The following TNFSF4 variants were observed in gnomAD, a reference collection of about 807,000 sequenced individuals.
TNFSF4 encodes tumor necrosis factor ligand superfamily member 4.
In TNFSF4, 4 loss-of-function variants were observed where a neutral mutation model predicts 7.3. That is an observed-to-expected ratio of 0.55 (90% CI 0.27 to 1.25). TNFSF4 has a LOEUF of 1.25. TNFSF4 is among the 50% of genes most tolerant of loss of function. The pLI, the probability that TNFSF4 is intolerant of heterozygous loss-of-function variation, is 0.12. For missense variants in TNFSF4, 181 were observed against 208.8 expected (o/e 0.87, Z 0.82); for synonymous variants, 76 against 83.7 (o/e 0.91, Z 0.50).
chr1:173,376,093 T>C, the TNFSF4 span, among the ~76,000 whole-genome samples: 1 of 152,214 alleles, frequency 6.6e-6, no homozygotes, highest in Non-Finnish European at 1.5e-5. Context: ...ACACTGGCTA[T>C]GCAAAAGAAC....
the TNFSF4 span, among the ~76,000 whole-genome samples, chr1:173,365,090 G>GAA: frequency 1.5e-5 from 2 of 134,314 alleles, no homozygotes; most frequent in East Asian, 4.3e-4. Context: ...CTGTCACAGG[G>GAA]AAAAAAAAAA....
At chr1:173,197,579 C>T (rs1050502049) in intron 1 of TNFSF4, among the ~76,000 whole-genome samples, 1 of 152,278 alleles carries the variant, frequency 6.6e-6, no homozygotes, top group Admixed American at 6.5e-5. Context: ...CCTCAGCAAA[C>T]TAACACAGGA....
At chr1:173,422,446 G>A in the TNFSF4 span, among the ~76,000 whole-genome samples, 1 of 152,040 alleles carries the variant, frequency 6.6e-6, no homozygotes, top group Non-Finnish European at 1.5e-5. Context: ...CCCAGTGAGA[G>A]AGGCAGGTCT....
chr1:173,260,062 A>C, the TNFSF4 span, among the ~76,000 whole-genome samples: 15 of 152,198 alleles, frequency 9.9e-5, no homozygotes, highest in Non-Finnish European at 2.1e-4. Context: ...GGTCAAAATG[A>C]AGGAAAAAAT....
the TNFSF4 span, among the ~76,000 whole-genome samples, chr1:173,218,534 C>G: frequency 6.6e-6 from 1 of 152,034 alleles, no homozygotes; most frequent in African/African-American, 2.4e-5. Flanking sequence ...TTCACACTCT[C>G]TCTTCAGTTA....
At position 173,186,963 on chromosome 1, in the gene TNFSF4, T is replaced by C; in HGVS notation, c.203-98A>G. On this transcript the variant is annotated intron_variant, in intron 2 of 2. Coordinates refer to ENST00000281834, the MANE Select transcript of TNFSF4 (RefSeq NM_003326.5). ...CTGGAATCAGATGAAGAGAAAGTGA[T>C]AGGGAGAGATTTTGAAAAGAGTAAA... 3 of 795,062 alleles carry C rather than the reference T, an allele frequency of 3.8e-6. No individual in the cohort carries two copies. The South Asian group carries it at 5.6e-5, about 15-fold the overall frequency. The allele number at this position is 795,062 out of a possible 1,614,324, so 49.3% of individuals were successfully genotyped here.
the TNFSF4 span, among the ~76,000 whole-genome samples, chr1:173,225,940 A>G: frequency 6.6e-6 from 1 of 152,222 alleles, no homozygotes; most frequent in Admixed American, 6.5e-5. Flanking sequence ...AATATAAAAC[A>G]GGCTATTAAG....
At chr1:173,191,895 G>A (rs1017299744) in intron 1 of TNFSF4, among the ~76,000 whole-genome samples, 7 of 152,184 alleles carry the variant, frequency 4.6e-5, no homozygotes, top group African/African-American at 1.7e-4. Context: ...TAAAAATGTA[G>A]GCCAGATGCA....
the TNFSF4 span, among the ~76,000 whole-genome samples, chr1:173,300,854 T>C: frequency 5.3e-5 from 8 of 151,890 alleles, no homozygotes; most frequent in Non-Finnish European, 1.0e-4. Flanking sequence ...GTTTACTGTT[T>C]AGTGTCAATG....
chr1:173,434,447 C>T, the TNFSF4 span, among the ~76,000 whole-genome samples: 1 of 152,204 alleles, frequency 6.6e-6, no homozygotes, highest in African/African-American at 2.4e-5. Context: ...AGTGGGTTAA[C>T]CTTTCACCTT....
chr1:173,312,275 T>C, the TNFSF4 span, among the ~76,000 whole-genome samples: 38 of 152,228 alleles, frequency 2.5e-4, no homozygotes, highest in Middle Eastern at 3.4e-3. Context: ...TCTCATTGCA[T>C]TGGTGAAAAT....
chr1:173,445,517 C>T, the TNFSF4 span, among the ~76,000 whole-genome samples: 15 of 152,264 alleles, frequency 9.9e-5, no homozygotes, highest in South Asian at 2.1e-4. Context: ...GTAGCATGGT[C>T]GGCTAAAATC....
At chr1:173,242,037 A>G in the TNFSF4 span, among the ~76,000 whole-genome samples, 2 of 152,230 alleles carry the variant, frequency 1.3e-5, no homozygotes, top group South Asian at 2.1e-4. Flanking sequence ...TAGGTCTTAC[A>G]ATATGTAATG....
the TNFSF4 span, chr1:173,175,371 T>C: frequency 6.6e-6 from 1 of 152,226 alleles, no homozygotes; most frequent in Non-Finnish European, 1.5e-5. Context: ...TGGCAGGTAC[T>C]TTATAAAAGA....
the TNFSF4 span, among the ~76,000 whole-genome samples, chr1:173,411,137 A>G: frequency 2.6e-5 from 4 of 152,186 alleles, no homozygotes; most frequent in South Asian, 2.1e-4. Flanking sequence ...CACTTTGCCC[A>G]TGGTCAAAGG....
At chr1:173,316,094 T>C in the TNFSF4 span, among the ~76,000 whole-genome samples, 15 of 152,162 alleles carry the variant, frequency 9.9e-5, no homozygotes, top group African/African-American at 2.9e-4. Context: ...CCAATTTCAT[T>C]CTTTTGCATG....
chr1:173,444,137 C>T, the TNFSF4 span, among the ~76,000 whole-genome samples: 3 of 152,066 alleles, frequency 2.0e-5, no homozygotes, highest in Non-Finnish European at 4.4e-5. Context: ...ATACCAAAAT[C>T]GAAACCATTT....
At chr1:173,335,867 T>C in the TNFSF4 span, among the ~76,000 whole-genome samples, 456 of 152,304 alleles carry the variant, frequency 3.0e-3, 3 homozygotes, top group African/African-American at 9.3e-3. Flanking sequence ...TTACTATAGA[T>C]TGGGGTAAAG....
chr1:173,215,971 C>A, the TNFSF4 span, among the ~76,000 whole-genome samples: 37 of 152,104 alleles, frequency 2.4e-4, 1 homozygote, highest in South Asian at 1.2e-3. Context: ...AAGCAGAATC[C>A]CAGGCCCCAC....
Sources: allele counts gnomAD v4.1 joint callset (sites outside exome capture counted in the v4.1 genomes callset), GRCh38; gene constraint gnomAD v4.1.1; transcripts MANE v1.5; gene names NCBI Gene and HGNC (gene_info 2026-07-23, HGNC 2026-07-21).